NCAM2: variants seen among roughly 807,000 people sequenced by gnomAD.
NCAM2 encodes the protein neural cell adhesion molecule 2.
A neutral mutation model predicts 98.1 loss-of-function variants in NCAM2; 30 were observed. That is an observed-to-expected ratio of 0.31 (90% CI 0.23 to 0.41). NCAM2 has a LOEUF of 0.41. NCAM2 is among the 10% of genes least tolerant of loss of function. The probability of loss-of-function intolerance (pLI) is 1.00; values close to 1 mark genes in which losing one functional copy is unlikely to be tolerated. For synonymous variants in NCAM2, 368 were observed against 342.4 expected, an observed-to-expected ratio of 1.07 and a Z score of -0.83; for missense variants, 867 against 1,005.8, an observed-to-expected ratio of 0.86 and a Z score of 1.87.
intron 12 of NCAM2, among the ~76,000 whole-genome samples, chr21:21,441,343 C>G (rs1282432795): frequency 6.6e-6 from 1 of 152,148 alleles, no homozygotes; most frequent in East Asian, 1.9e-4. Context: ...AGTGATTACT[C>G]ATACCATCAC....
intron 1 of NCAM2, among the ~76,000 whole-genome samples, chr21:21,059,220 G>A (rs759646077): frequency 6.6e-6 from 1 of 151,904 alleles, no homozygotes; most frequent in Non-Finnish European, 1.5e-5. Flanking sequence ...ATAAAGGCAG[G>A]GAGAGGACTA....
intron 15 of NCAM2, among the ~76,000 whole-genome samples, chr21:21,497,314 A>G (rs978793087): frequency 2.0e-5 from 3 of 152,256 alleles, no homozygotes; most frequent in African/African-American, 7.2e-5. Context: ...CGCATGTAAG[A>G]AATCTGCACA....
intron 8 of NCAM2, among the ~76,000 whole-genome samples, chr21:21,342,131 G>A (rs979506425): frequency 1.3e-5 from 2 of 152,122 alleles, no homozygotes; most frequent in African/African-American, 4.8e-5. Flanking sequence ...AAGAGTTCAC[G>A]AGTAGCATTC....
chr21:21,294,868 A>T (rs143552655), intron 5 of NCAM2, among the ~76,000 whole-genome samples: 269 of 151,574 alleles, frequency 1.8e-3, no homozygotes, highest in African/African-American at 6.4e-3. Flanking sequence ...CTGCTTAAAG[A>T]TGTTTCAGTG....
chr21:21,256,492 G>A (rs1449755815), intron 1 of NCAM2, among the ~76,000 whole-genome samples: 2 of 152,098 alleles, frequency 1.3e-5, no homozygotes, highest in African/African-American at 4.8e-5. Context: ...GTTTGATGAT[G>A]GACTGTTCAT....
intron 1 of NCAM2, among the ~76,000 whole-genome samples, chr21:21,202,420 T>G (rs976810818): frequency 7.0e-6 from 1 of 143,846 alleles, no homozygotes; most frequent in East Asian, 2.0e-4. Context: ...TTTTTTTTTT[T>G]TTTTTTTTTT....
At chr21:21,206,786 A>AT (rs2069453495) in intron 1 of NCAM2, among the ~76,000 whole-genome samples, 1 of 152,154 alleles carries the variant, frequency 6.6e-6, no homozygotes, top group Admixed American at 6.6e-5. Flanking sequence ...AGCCTTATTA[A>AT]TTAAAGGATG....
At chr21:21,098,325 C>T (rs1397888395) in intron 1 of NCAM2, among the ~76,000 whole-genome samples, 3 of 151,640 alleles carry the variant, frequency 2.0e-5, no homozygotes, top group East Asian at 3.9e-4. Flanking sequence ...TTTAATGTCA[C>T]TGTATCTCTC....
chr21:21,116,759 C>G (rs746923917), intron 1 of NCAM2, among the ~76,000 whole-genome samples: 4 of 151,838 alleles, frequency 2.6e-5, no homozygotes, highest in African/African-American at 9.7e-5. Flanking sequence ...GGAGGCTGAG[C>G]CAGGAGAATG....
chr21:21,198,844 C>T (rs941800854), intron 1 of NCAM2, among the ~76,000 whole-genome samples: 9 of 152,004 alleles, frequency 5.9e-5, no homozygotes, highest in Admixed American at 5.9e-4. Context: ...GAGACCAGAA[C>T]GAAGCATTCA....
chr21:21,369,708 G>GAT (rs2075870372), intron 8 of NCAM2, among the ~76,000 whole-genome samples: 1 of 151,724 alleles, frequency 6.6e-6, no homozygotes, highest in African/African-American at 2.4e-5. Flanking sequence ...GTGAGTTTCA[G>GAT]CATCTTCTCA....
At chr21:21,461,554 C>T (rs1026030030) in intron 12 of NCAM2, among the ~76,000 whole-genome samples, 9 of 151,822 alleles carry the variant, frequency 5.9e-5, no homozygotes, top group African/African-American at 2.2e-4. Context: ...AATGACACAT[C>T]ATTATTAGAT....
intron 1 of NCAM2, among the ~76,000 whole-genome samples, chr21:21,143,041 T>C (rs1282498591): frequency 6.6e-6 from 1 of 152,238 alleles, no homozygotes; most frequent in Non-Finnish European, 1.5e-5. Context: ...ATTTTTGTTA[T>C]ATTCAAAGAA....
chr21:21,089,641 T>A (rs2065972273), intron 1 of NCAM2, among the ~76,000 whole-genome samples: 1 of 152,150 alleles, frequency 6.6e-6, no homozygotes, highest in Non-Finnish European at 1.5e-5. Flanking sequence ...TGCTTTCTCT[T>A]CTGTTTTCTC....
intron 1 of NCAM2, among the ~76,000 whole-genome samples, chr21:21,081,457 C>T (rs1241693192): frequency 2.0e-5 from 3 of 152,112 alleles, no homozygotes; most frequent in Non-Finnish European, 1.5e-5. Context: ...TCTGTCCTGC[C>T]TATTCCTGAC....
intron 4 of NCAM2, among the ~76,000 whole-genome samples, chr21:21,286,739 C>T (rs1042372964): frequency 5.3e-5 from 8 of 151,644 alleles, no homozygotes; most frequent in African/African-American, 1.9e-4. Context: ...CAATCGTTAG[C>T]CTAAAAAAAA....
At chr21:21,131,049 G>A (rs1222541639) in intron 1 of NCAM2, among the ~76,000 whole-genome samples, 1 of 151,952 alleles carries the variant, frequency 6.6e-6, no homozygotes, top group Non-Finnish European at 1.5e-5. Context: ...GTGCAAAAAC[G>A]TAATCATGTG....
intron 8 of NCAM2, among the ~76,000 whole-genome samples, chr21:21,363,984 A>G (rs1314944405): frequency 6.6e-6 from 1 of 152,048 alleles, no homozygotes; most frequent in African/African-American, 2.4e-5. Context: ...ATTTGTATAT[A>G]GAGTGTTTGT....
Position 21,509,045 on chromosome 21 carries a change from G to A in NCAM2, c.2272G>A (p.Ala758Thr), listed in dbSNP as rs1306281580. ...AAGTAAAGAACTCGAAGAAGGAAAA[G>A]CTGCATACCTGTGAGTATCAGGCAT... ...GKSKELEEGK[A>T]AYLKDGSKEP... Residue 758 changes from alanine (A) to threonine (T), a missense_variant, in exon 16 of 18, where the codon GCT becomes ACT. Ala to Thr is a moderately conservative substitution (Grantham distance 58). This residue lies in a region of NCAM2 where 125 missense variants were observed against 116.1 expected (regional missense o/e 1.08). Coordinates refer to ENST00000400546, the MANE Select transcript of NCAM2 (RefSeq NM_004540.5). 6.2e-7 allele frequency: 1 copy of A among 1,613,334 alleles called. No homozygotes were observed. Among genetic ancestry groups the A allele is most frequent in the African/African-American group, 1.3e-5 (1 of 74,818 alleles).
Sources: allele counts gnomAD v4.1 joint callset (sites outside exome capture counted in the v4.1 genomes callset), GRCh38; gene constraint gnomAD v4.1.1; regional missense constraint gnomAD v4.1.1; transcripts MANE v1.5; gene names NCBI Gene and HGNC (gene_info 2026-07-23, HGNC 2026-07-21).